The following HIF1A variants were observed in gnomAD, a reference collection of about 807,000 sequenced individuals.
The protein encoded by HIF1A is hypoxia-inducible factor 1-alpha.
Under a neutral mutation model 92.7 loss-of-function variants are expected in HIF1A, and 24 were observed. The ratio of observed to expected loss-of-function variants is 0.26; its 90% confidence interval spans 0.19 to 0.36. The LOEUF is 0.36. Among genes scored for constraint, HIF1A ranks in the 10% least tolerant of loss-of-function variants. The pLI is 1.00. For missense variants in HIF1A, 799 were observed against 998.5 expected (o/e 0.80, Z 2.69); for synonymous variants, 319 against 338.7 (o/e 0.94, Z 0.64).
At chr14:61,726,524 T>C (rs973851675) in intron 4 of HIF1A, 182 bp from the exon 5 acceptor site, 11 of 435,164 alleles carry the variant, frequency 2.5e-5, no homozygotes, top group African/African-American at 4.1e-5. Flanking sequence ...AGCTACTGAG[T>C]AGTGTGTGTC....
chr14:61,716,562 A>T (rs996586443), intron 1 of HIF1A, among the ~76,000 whole-genome samples: 8 of 152,186 alleles, frequency 5.3e-5, no homozygotes, highest in African/African-American at 1.9e-4. Context: ...ATACGAAAAG[A>T]TGACTTTAAA....
At chr14:61,725,747 A>T (rs568756497) in intron 4 of HIF1A, among the ~76,000 whole-genome samples, 1 of 151,804 alleles carries the variant, frequency 6.6e-6, no homozygotes, top group African/African-American at 2.4e-5. Flanking sequence ...AGTCACCTAA[A>T]TATAATCTCA....
At chr14:61,720,304 G>A (rs746569945) in intron 1 of HIF1A, 78 bp from the exon 2 acceptor site, 2 of 1,001,434 alleles carry the variant, frequency 2.0e-6, no homozygotes, top group Admixed American at 2.7e-5. Context: ...AAGCAGAAAT[G>A]TAAAGTTTTA....
intron 10 of HIF1A, chr14:61,739,993 TAGTC>T (rs2044686636): frequency 6.6e-6 from 1 of 151,876 alleles, no homozygotes; most frequent in African/African-American, 2.4e-5. Context: ...TTATATTACA[TAGTC>T]AGAAATATAT....
chr14:61,706,924 G>T lies in HIF1A; in HGVS notation c.35+11085G>T, dbSNP rs1218570728. Among the ~76,000 whole-genome samples the T allele has an allele frequency of 4.6e-5, 7 of 152,276 alleles. No individual in the cohort carries two copies. The East Asian group carries it at 1.4e-3, about 29-fold the overall frequency. On this transcript the variant is annotated intron_variant, in intron 1 of 14. Coordinates refer to ENST00000337138, the MANE Select transcript of HIF1A (RefSeq NM_001530.4). ...GAAAAAAGTTCTATTGATGATTGTG[G>T]ATATATACCACAGGTCAACCATTGA...
At chr14:61,731,213 T>C (rs2044571580) in intron 6 of HIF1A, among the ~76,000 whole-genome samples, 1 of 152,110 alleles carries the variant, frequency 6.6e-6, no homozygotes, top group African/African-American at 2.4e-5. Flanking sequence ...TGCTTGCACC[T>C]CGGTAGGAAA....
At chr14:61,720,342 A>T in intron 1 of HIF1A, 40 bp from the exon 2 acceptor site, 1 of 1,495,632 alleles carries the variant, frequency 6.7e-7, no homozygotes. Context: ...TAACTTGTAT[A>T]CACTTTCCAT....
rs1306909077 is a variant in HIF1A at position 61,740,894 on chromosome 14, C to A, written c.1799C>A (p.Thr600Lys). Residue 600 changes from threonine to lysine, a missense_variant, in exon 12 of 15, where the codon ACA becomes AAA. Thr to Lys is a moderately conservative substitution (Grantham distance 78). This residue lies in a region of HIF1A where 283 missense variants were observed against 277.5 expected (regional missense o/e 1.02). Transcript: ENST00000337138. ...PESASPQSTVTVFQQTQIQEP... is the reference protein window; with the variant it reads ...PESASPQSTVKVFQQTQIQEP... ...AGCGCAAGTCCTCAAAGCACAGTTACAGTATTCCAGCAGACTCAAATACAA... is the reference window on the plus strand; with the variant it reads ...AGCGCAAGTCCTCAAAGCACAGTTAAAGTATTCCAGCAGACTCAAATACAA... 2 of 1,614,192 alleles carry A rather than the reference C, an allele frequency of 1.2e-6. No individual in the cohort carries two copies. Among genetic ancestry groups the A allele is most frequent in the East Asian group, 2.2e-5 (1 of 44,880 alleles).
intron 6 of HIF1A, among the ~76,000 whole-genome samples, chr14:61,729,474 CAA>C (rs1163834185): frequency 1.5e-5 from 2 of 137,838 alleles, no homozygotes; most frequent in Non-Finnish European, 3.2e-5. Context: ...AAAACAAAAA[CAA>C]AACAAAAAAA....
intron 12 of HIF1A, among the ~76,000 whole-genome samples, chr14:61,742,313 A>G (rs2044721281): frequency 6.6e-6 from 1 of 152,238 alleles, no homozygotes; most frequent in Non-Finnish European, 1.5e-5. Context: ...CCAGATATCA[A>G]TAGCAATAGG....
In HIF1A at chr14:61,744,742, C is replaced by T. The variant is rs750815376; in HGVS notation, c.2131C>T (p.Leu711=). Residue 711 remains leucine (L), a synonymous_variant, in exon 13 of 15, where the codon CTA becomes TTA. Transcript: ENST00000337138. Reference sequence around the variant, plus strand: ...TGAGGAAGAACTAAATCCAAAGATACTAGCTTTGCAGAATGCTCAGAGAAA... The same window carrying T: ...TGAGGAAGAACTAAATCCAAAGATATTAGCTTTGCAGAATGCTCAGAGAAA... ...VPEEELNPKI[L]ALQNAQRKRK... The T allele has an allele frequency of 6.3e-7, 1 of 1,594,126 alleles. No homozygotes were observed. Among genetic ancestry groups the T allele is most frequent in the African/African-American group, 1.3e-5 (1 of 74,190 alleles).
rs745856962 is a variant in HIF1A, at chr14:61,720,409, G to A, written c.63G>A (p.Lys21=). The change falls in exon 2 of 15, where the codon AAG becomes AAA. Residue 21 remains lysine (K), a synonymous_variant. Transcript: ENST00000337138. The stretch of plus-strand genomic sequence containing the variant: ...TAAGTTCTGAACGTCGAAAAGAAAA[G>A]TCTCGAGATGCAGCCAGATCTCGGC... ...KKISSERRKE[K]SRDAARSRRS... is the part of the protein sequence containing the mutation. The A allele has an allele frequency of 3.0e-5, 49 of 1,612,036 alleles. No individual in the cohort carries two copies. In the South Asian group the frequency reaches 5.0e-4, roughly 16 times the overall value.
At chr14:61,707,420 A>T (rs2044252168) in intron 1 of HIF1A, among the ~76,000 whole-genome samples, 1 of 152,152 alleles carries the variant, frequency 6.6e-6, no homozygotes, top group South Asian at 2.1e-4. Flanking sequence ...CTCGTCATTT[A>T]ACATTAGGTA....
intron 6 of HIF1A, among the ~76,000 whole-genome samples, chr14:61,731,965 C>T (rs1437378864): frequency 1.3e-5 from 2 of 152,158 alleles, no homozygotes; most frequent in African/African-American, 2.4e-5. Flanking sequence ...GGAGAAACCC[C>T]ATCCCTACTA....
chr14:61,704,751 T>G (rs1377859666), intron 1 of HIF1A, among the ~76,000 whole-genome samples: 1 of 152,214 alleles, frequency 6.6e-6, no homozygotes, highest in Admixed American at 6.5e-5. Context: ...CTAACTATTA[T>G]ACTATGTCCT....
intron 1 of HIF1A, among the ~76,000 whole-genome samples, chr14:61,710,625 T>C (rs1174111948): frequency 6.6e-6 from 1 of 152,220 alleles, no homozygotes; most frequent in East Asian, 1.9e-4. Context: ...TAAGTAGAGA[T>C]AGGGTTTTTA....
At chr14:61,744,186 CT>C (rs1242124474) in intron 12 of HIF1A, among the ~76,000 whole-genome samples, 1 of 152,134 alleles carries the variant, frequency 6.6e-6, no homozygotes, top group Non-Finnish European at 1.5e-5. Context: ...TTGTGTTCAG[CT>C]CTATTTTATA....
chr14:61,740,702 T>G, intron 11 of HIF1A, 53 bp from the exon 12 acceptor site: 1 of 1,549,910 alleles, frequency 6.5e-7, no homozygotes, highest in South Asian at 1.2e-5. Flanking sequence ...TCACTTGTTT[T>G]TTATTTATAA....
chr14:61,698,287 A>T (rs1274880970), intron 1 of HIF1A, among the ~76,000 whole-genome samples: 1 of 152,226 alleles, frequency 6.6e-6, no homozygotes, highest in East Asian at 1.9e-4. Flanking sequence ...TTGAGGAAGC[A>T]GCATATGGTG....
Sources: allele counts gnomAD v4.1 joint callset (sites outside exome capture counted in the v4.1 genomes callset), GRCh38; gene constraint gnomAD v4.1.1; regional missense constraint gnomAD v4.1.1; transcripts MANE v1.5; gene names NCBI Gene and HGNC (gene_info 2026-07-23, HGNC 2026-07-21).